Variants in HDAC9 observed in about 807,000 individuals in gnomAD.
The protein encoded by HDAC9 is MEF-2 interacting transcription repressor (MITR) protein.
A neutral mutation model predicts 139.4 loss-of-function variants in HDAC9; 41 were observed. The observed-to-expected ratio is 0.29, with a 90% CI of 0.23 to 0.38. The LOEUF is 0.38. HDAC9 is among the 10% of genes least tolerant of loss of function. The pLI, the probability that HDAC9 is intolerant of heterozygous loss-of-function variation, is 1.00. For missense variants in HDAC9, 1,147 were observed against 1,297.0 expected (o/e 0.88, Z 1.78); for synonymous variants, 517 against 476.2 (o/e 1.09, Z -1.12).
chr7:18,121,176 C>T lies in HDAC9; in HGVS notation c.-97+33963C>T, dbSNP rs896645409. Among the ~76,000 whole-genome samples, 8 of 152,136 alleles carry T rather than the reference C, an allele frequency of 5.3e-5. 1 individual carries two copies. The highest frequency in any genetic ancestry group is 1.0e-4 in the Non-Finnish European group (7 of 68,022). On this transcript the variant is annotated intron_variant, in intron 1 of 12. Transcript: ENST00000417496. ...TTAAATTATTTTATTTGAAAACTTACATTTTATGAGTGGGAAGTGTGGTTT... is the reference window on the plus strand; with the variant it reads ...TTAAATTATTTTATTTGAAAACTTATATTTTATGAGTGGGAAGTGTGGTTT...
intron 2 of HDAC9, among the ~76,000 whole-genome samples, chr7:18,580,793 C>T (rs547148782): frequency 1.3e-5 from 2 of 152,098 alleles, no homozygotes; most frequent in Non-Finnish European, 2.9e-5. Context: ...AAGTTGATTT[C>T]TAATTATGAT....
chr7:18,277,057 CA>C (rs1796771964), intron 2 of HDAC9, among the ~76,000 whole-genome samples: 1 of 151,272 alleles, frequency 6.6e-6, no homozygotes, highest in Non-Finnish European at 1.5e-5. Flanking sequence ...ACCAGTCATT[CA>C]GTAATCATAG....
intron 22 of HDAC9, among the ~76,000 whole-genome samples, chr7:18,884,086 T>C (rs1482889522): frequency 6.6e-6 from 1 of 152,166 alleles, no homozygotes; most frequent in Non-Finnish European, 1.5e-5. Context: ...TGTTCCTAAA[T>C]TGGAAGAATG....
At chr7:18,848,456 C>T (rs1797052674) in intron 21 of HDAC9, among the ~76,000 whole-genome samples, 1 of 151,866 alleles carries the variant, frequency 6.6e-6, no homozygotes, top group Non-Finnish European at 1.5e-5. Context: ...CCCTTATGAG[C>T]AGTGACACCA....
intron 1 of HDAC9, among the ~76,000 whole-genome samples, chr7:18,415,937 C>A (rs564798722): frequency 3.5e-4 from 53 of 152,142 alleles, no homozygotes; most frequent in Middle Eastern, 3.4e-3. Flanking sequence ...TGATAAACTT[C>A]ACTTGGTCAT....
At chr7:18,924,780 C>G (rs1404825341) in intron 22 of HDAC9, among the ~76,000 whole-genome samples, 1 of 152,046 alleles carries the variant, frequency 6.6e-6, no homozygotes, top group Non-Finnish European at 1.5e-5. Context: ...GTGTCAGGTA[C>G]TATGCTAGTT....
chr7:18,436,908 A>G (rs115798865), intron 1 of HDAC9, among the ~76,000 whole-genome samples: 2,219 of 152,348 alleles, frequency 0.015, 47 homozygotes, highest in African/African-American at 0.051. Context: ...TGATTAATAA[A>G]TCTAACAGAT....
intron 11 of HDAC9, among the ~76,000 whole-genome samples, chr7:18,651,549 A>G (rs930171278): frequency 6.6e-5 from 10 of 152,260 alleles, no homozygotes; most frequent in Admixed American, 5.9e-4. Flanking sequence ...ATTACTAATA[A>G]TCTTTAGAAG....
At chr7:18,789,660 C>T (rs551168316) in intron 16 of HDAC9, among the ~76,000 whole-genome samples, 2 of 152,258 alleles carry the variant, frequency 1.3e-5, no homozygotes, top group African/African-American at 4.8e-5. Context: ...TAGTTCCAAA[C>T]CCTTCTGATC....
intron 13 of HDAC9, 150 bp downstream of exon 13, chr7:18,727,907 T>C (rs1400126542): frequency 3.6e-6 from 2 of 548,030 alleles, no homozygotes; most frequent in South Asian, 3.5e-5. Context: ...ATATTGGCTA[T>C]AAGACAAACA....
intron 2 of HDAC9, among the ~76,000 whole-genome samples, chr7:18,229,703 T>C (rs1219181729): frequency 2.0e-5 from 3 of 152,154 alleles, no homozygotes; most frequent in Non-Finnish European, 4.4e-5. Context: ...CAAAATGCCC[T>C]CTGAGGATAT....
chr7:18,398,121 C>T (rs921039485), intron 1 of HDAC9, among the ~76,000 whole-genome samples: 6 of 152,116 alleles, frequency 3.9e-5, no homozygotes, highest in African/African-American at 1.2e-4. Flanking sequence ...TTTCTAAACC[C>T]GAATCCTAGA....
At chr7:18,969,921 T>C (rs1396075805) in intron 24 of HDAC9, among the ~76,000 whole-genome samples, 1 of 152,112 alleles carries the variant, frequency 6.6e-6, no homozygotes, top group Non-Finnish European at 1.5e-5. Context: ...CCATGAGACA[T>C]TTGGAATAAA....
chr7:18,891,825 C>A (rs1407301249), intron 22 of HDAC9, among the ~76,000 whole-genome samples: 5 of 152,166 alleles, frequency 3.3e-5, no homozygotes, highest in Non-Finnish European at 7.4e-5. Flanking sequence ...ACACATAGGA[C>A]AGAGATACTA....
At chr7:18,384,091 A>T (rs999098472) in intron 1 of HDAC9, among the ~76,000 whole-genome samples, 1 of 152,070 alleles carries the variant, frequency 6.6e-6, no homozygotes, top group Non-Finnish European at 1.5e-5. Context: ...TGGGAGGATC[A>T]CTTGACCTTA....
chr7:18,915,404 C>T (rs924135924), intron 22 of HDAC9, among the ~76,000 whole-genome samples: 9 of 151,360 alleles, frequency 5.9e-5, no homozygotes, highest in African/African-American at 1.7e-4. Context: ...TTCAGAAAAC[C>T]GCAACAAACT....
intron 22 of HDAC9, among the ~76,000 whole-genome samples, chr7:18,928,550 A>G (rs1023672992): frequency 5.9e-5 from 9 of 152,204 alleles, no homozygotes; most frequent in Admixed American, 4.6e-4. Flanking sequence ...ATTATTTGCT[A>G]TCTTGTATAT....
At chr7:18,613,412 C>T (rs181616693) in intron 6 of HDAC9, among the ~76,000 whole-genome samples, 127 of 152,020 alleles carry the variant, frequency 8.4e-4, no homozygotes, top group African/African-American at 2.8e-3. Flanking sequence ...GCACATAGAG[C>T]GGATTAAGGG....
At chr7:18,230,118 T>C (rs1793347705) in intron 2 of HDAC9, among the ~76,000 whole-genome samples, 1 of 152,178 alleles carries the variant, frequency 6.6e-6, no homozygotes, top group Non-Finnish European at 1.5e-5. Flanking sequence ...TTTTTAATAC[T>C]GAGAAAAACA....
Sources: gnomAD v4.1 joint callset for allele counts (sites outside exome capture counted in the v4.1 genomes callset) on GRCh38, gnomAD v4.1.1 for gene constraint, MANE v1.5 for transcripts, NCBI Gene and HGNC (gene_info 2026-07-23, HGNC 2026-07-21) for gene names.